The following ARHGAP15 variants were observed in gnomAD, a reference collection of about 807,000 sequenced individuals.
The protein encoded by ARHGAP15 is rho GTPase-activating protein 15.
A neutral mutation model predicts 63.7 loss-of-function variants in ARHGAP15; 51 were observed. That is an observed-to-expected ratio of 0.80 (90% CI 0.64 to 1.01). The LOEUF is 1.01. Ranked by LOEUF, ARHGAP15 falls within the 50% of genes least tolerant of loss-of-function variation. The pLI, the probability that ARHGAP15 is intolerant of heterozygous loss-of-function variation, is 0.00. For synonymous variants in ARHGAP15, 191 were observed against 193.8 expected (o/e 0.99, Z 0.12); for missense variants, 560 against 564.6 (o/e 0.99, Z 0.08).
At chr2:143,524,954 A>G (rs985321969) in intron 10 of ARHGAP15, among the ~76,000 whole-genome samples, 2 of 152,166 alleles carry the variant, frequency 1.3e-5, no homozygotes, top group African/African-American at 4.8e-5. Flanking sequence ...AATTTTCCTG[A>G]TATTTGATCC....
intron 8 of ARHGAP15, among the ~76,000 whole-genome samples, chr2:143,465,553 ATC>A (rs1691158630): frequency 3.3e-5 from 5 of 152,098 alleles, no homozygotes; most frequent in Non-Finnish European, 5.9e-5. Context: ...CCTTTTAAAT[ATC>A]TGTTGTATTT....
intron 6 of ARHGAP15, among the ~76,000 whole-genome samples, chr2:143,421,884 TGAGA>T (rs1688939419): frequency 6.7e-6 from 1 of 150,166 alleles, no homozygotes; most frequent in Non-Finnish European, 1.5e-5. Flanking sequence ...AGAGAGAGTG[TGAGA>T]GAAAGAGAAA....
rs991033941 is a variant in ARHGAP15 at position 143,421,285 on chromosome 2, T to A, written c.475-14316T>A. Among the ~76,000 whole-genome samples, 7 of 152,276 alleles carry A rather than the reference T, an allele frequency of 4.6e-5. No homozygotes were observed. The East Asian group carries it at 1.4e-3, about 29-fold the overall frequency. ...AGAATCACCCACACAGGGTTATTGA[T>A]CACCCAGGCCTAATAGTCACAAACG... On this transcript the variant is annotated intron_variant, in intron 6 of 13. Coordinates refer to ENST00000295095, the MANE Select transcript of ARHGAP15 (RefSeq NM_018460.4).
intron 8 of ARHGAP15, 22 bp from the exon 9 acceptor site, chr2:143,487,351 T>C: frequency 6.3e-7 from 1 of 1,586,424 alleles, no homozygotes; most frequent in Non-Finnish European, 8.5e-7. Flanking sequence ...ACCAAAAGCC[T>C]CTGATTTTTT....
rs141560547 is a variant in ARHGAP15, at chr2:143,494,546, GTTTTTA to G, written c.826+7057_826+7062del. Among the ~76,000 whole-genome samples, 446 of 152,202 alleles carry G rather than the reference GTTTTTA, an allele frequency of 2.9e-3. 4 individuals are homozygous for G. The highest frequency in any genetic ancestry group is 0.01 in the African/African-American group (431 of 41,550). On this transcript the variant is annotated intron_variant, in intron 9 of 13. Transcript: ENST00000295095. The stretch of plus-strand genomic sequence containing the variant: ...GAATTTGTTGTTGTTTTGGAGTCTT[GTTTTTA>G]TTTTTTATTTTAAATTGTTCTCTTC...
chr2:143,522,439 G>A (rs1205896790), intron 10 of ARHGAP15, among the ~76,000 whole-genome samples: 1 of 152,148 alleles, frequency 6.6e-6, no homozygotes, highest in East Asian at 1.9e-4. Context: ...ATTAGCCAAT[G>A]AAAAACTCAA....
chr2:143,582,731 G>A (rs927912352), intron 11 of ARHGAP15, among the ~76,000 whole-genome samples: 2 of 152,118 alleles, frequency 1.3e-5, no homozygotes, highest in Admixed American at 1.3e-4. Flanking sequence ...ATTGTGAAAG[G>A]CAACTCAGCA....
At chr2:143,408,106 C>T (rs1688291319) in intron 6 of ARHGAP15, among the ~76,000 whole-genome samples, 2 of 146,864 alleles carry the variant, frequency 1.4e-5, no homozygotes, top group South Asian at 4.2e-4. Context: ...CTGAGCCCCA[C>T]ACAGAATGCT....
intron 12 of ARHGAP15, among the ~76,000 whole-genome samples, chr2:143,668,280 C>CTTTTTTTTTTTTTTTTTTTTTTT (rs60232406): frequency 6.9e-6 from 1 of 145,656 alleles, no homozygotes. Context: ...ATTCTATTTT[C>CTTTTTTTTTTTTTTTTTTTTTTT]TTTTTTTTTT....
chr2:143,164,840 AC>A (rs1361556797), intron 2 of ARHGAP15, among the ~76,000 whole-genome samples: 1 of 151,940 alleles, frequency 6.6e-6, no homozygotes, highest in Non-Finnish European at 1.5e-5. Flanking sequence ...ATGTGCAAAA[AC>A]CATTGATAAC....
At position 143,202,080 on chromosome 2, in the gene ARHGAP15, TA is replaced by T. The variant is rs1340398299; in HGVS notation, c.166-51del. On this transcript the variant is annotated intron_variant, in intron 2 of 13. Transcript: ENST00000295095. ...TTGGTTATTTTATGTGTATTCTTACTAAACTCTATCAAGAAAAATTATGTAA... is the reference window on the plus strand; with the variant it reads ...TTGGTTATTTTATGTGTATTCTTACTAACTCTATCAAGAAAAATTATGTAA... 5 of 1,408,546 alleles carry T rather than the reference TA, an allele frequency of 3.5e-6. No homozygotes were observed. In the Admixed American group the frequency reaches 8.4e-5, roughly 24 times the overall value. 87.3% of individuals were successfully genotyped at this position (1,408,546 alleles called of 1,614,324 possible).
At chr2:143,220,468 C>T (rs997384039) in intron 4 of ARHGAP15, among the ~76,000 whole-genome samples, 16 of 152,200 alleles carry the variant, frequency 1.1e-4, no homozygotes, top group Non-Finnish European at 1.9e-4. Context: ...ACCTTGGCCT[C>T]ACAACGTATT....
intron 8 of ARHGAP15, 136 bp downstream of exon 8, chr2:143,437,178 T>C: frequency 9.9e-7 from 1 of 1,015,216 alleles, no homozygotes; most frequent in Non-Finnish European, 1.4e-6. Flanking sequence ...TGGCCAGGGA[T>C]TTGTGCACTG....
At chr2:143,326,600 A>G (rs1684260170) in intron 6 of ARHGAP15, among the ~76,000 whole-genome samples, 1 of 152,152 alleles carries the variant, frequency 6.6e-6, no homozygotes, top group Non-Finnish European at 1.5e-5. Flanking sequence ...CAATTTTCTG[A>G]GTTACTGTAC....
At chr2:143,288,616 G>A (rs1021251047) in intron 6 of ARHGAP15, among the ~76,000 whole-genome samples, 2 of 120,896 alleles carry the variant, frequency 1.7e-5, no homozygotes, top group African/African-American at 3.2e-5. Flanking sequence ...TAGATTCCTC[G>A]GGACACTTTT....
At chr2:143,295,202 A>G (rs1682583490) in intron 6 of ARHGAP15, among the ~76,000 whole-genome samples, 1 of 152,046 alleles carries the variant, frequency 6.6e-6, no homozygotes. Context: ...TTGAAAACAA[A>G]GGGGAAAATG....
chr2:143,667,126 T>G (rs1418709601), intron 12 of ARHGAP15, among the ~76,000 whole-genome samples: 6 of 150,972 alleles, frequency 4.0e-5, no homozygotes, highest in Non-Finnish European at 7.4e-5. Context: ...CACACGTATG[T>G]TTATTGTGGC....
intron 6 of ARHGAP15, among the ~76,000 whole-genome samples, chr2:143,353,847 T>A (rs1165320649): frequency 6.6e-6 from 1 of 152,178 alleles, no homozygotes; most frequent in East Asian, 1.9e-4. Flanking sequence ...AGAACATCAA[T>A]AATTGTCTTT....
chr2:143,229,575 T>C (rs558227478), intron 5 of ARHGAP15, among the ~76,000 whole-genome samples: 1 of 152,230 alleles, frequency 6.6e-6, no homozygotes, highest in South Asian at 2.1e-4. Context: ...GACAGCCTCC[T>C]GATTAGGAAG....
Sources: allele counts gnomAD v4.1 joint callset (sites outside exome capture counted in the v4.1 genomes callset), GRCh38; gene constraint gnomAD v4.1.1; transcripts MANE v1.5; gene names NCBI Gene and HGNC (gene_info 2026-07-23, HGNC 2026-07-21).